Variants in SYNE1 observed in about 807,000 individuals in gnomAD.
SYNE1 encodes the protein nesprin-1.
A neutral mutation model predicts 1,111.0 loss-of-function variants in SYNE1; 616 were observed. The ratio of observed to expected loss-of-function variants is 0.55; its 90% CI spans 0.52 to 0.59. The LOEUF (loss-of-function observed/expected upper bound fraction) is 0.59, where lower values mean the gene tolerates loss of function less well. SYNE1 is among the 20% of genes least tolerant of loss of function. The probability of loss-of-function intolerance (pLI) is 0.00; values close to 1 mark genes in which losing one functional copy is unlikely to be tolerated. For synonymous variants in SYNE1, 3,855 were observed against 3,825.8 expected, an observed-to-expected ratio of 1.01 and a Z score of -0.28; for missense variants, 10,006 against 10,417.0, an observed-to-expected ratio of 0.96 and a Z score of 1.72.
At position 152,353,380 on chromosome 6, in the gene SYNE1, T is replaced by A. The variant is rs886043040; in HGVS notation, c.11136A>T (p.Ser3712=). Residue 3712 remains serine, a synonymous_variant, in exon 69 of 146, where the codon TCA becomes TCT. Coordinates refer to ENST00000367255, the MANE Select transcript of SYNE1 (RefSeq NM_182961.4). ...EEIQSLEESE[S]SLSSYSDWYG... The stretch of plus-strand genomic sequence containing the variant: ...ACCAATCAGAATAGGAACTGAGGGA[T>A]GATTCTGATTCCTCCAAACTCTGAA... 26 of 1,614,136 alleles carry A rather than the reference T, an allele frequency of 1.6e-5. No homozygotes were observed. The highest frequency in any genetic ancestry group is 2.1e-5 in the Non-Finnish European group (25 of 1,180,046).
intron 117 of SYNE1, among the ~76,000 whole-genome samples, chr6:152,222,437 C>T (rs1421503024): frequency 6.6e-6 from 1 of 152,230 alleles, no homozygotes; most frequent in Non-Finnish European, 1.5e-5. Flanking sequence ...GCTTCTACCA[C>T]AAACTCCCGA....
rs796735128 is a variant in SYNE1 at position 152,364,743 on chromosome 6, A to AAAGGG, written c.10145+99_10145+103dup. On this transcript the variant is annotated intron_variant, in intron 63 of 145. Transcript: ENST00000367255. ...AAGGAAGGAAGGGAGGAAGGAAAGG[A>AAAGGG]AAGGGAAGGGAAGGGAAGCCGGCCA... 835 of 1,381,966 alleles carry AAAGGG rather than the reference A, an allele frequency of 6.0e-4. 8 individuals are homozygous for AAAGGG. The East Asian group carries it at 0.013, about 21-fold the overall frequency. The allele number at this position is 1,381,966 out of a possible 1,614,324, so 85.6% of individuals were successfully genotyped here.
chr6:152,276,586 A>G (rs2093640004), intron 98 of SYNE1, among the ~76,000 whole-genome samples: 1 of 142,428 alleles, frequency 7.0e-6, no homozygotes, highest in African/African-American at 2.7e-5. Context: ...GTGAACTTCC[A>G]TGAAGTTTCC....
chr6:152,232,054 T>C (rs528629664), intron 113 of SYNE1, 62 bp downstream of exon 113: 22 of 1,296,336 alleles, frequency 1.7e-5, no homozygotes, highest in Non-Finnish European at 2.3e-5. Context: ...TTGAGTTTTT[T>C]AGTTCTTTCA....
chr6:152,231,295 A>C lies in SYNE1; in HGVS notation c.21039+96T>G, dbSNP rs751149077. 126 of 1,352,002 alleles carry C rather than the reference A, an allele frequency of 9.3e-5. 1 individual carries two copies. The Middle Eastern group carries it at 6.1e-3, about 66-fold the overall frequency. The allele number at this position is 1,352,002 out of a possible 1,614,324, so 83.8% of individuals were successfully genotyped here. A position where few individuals can be genotyped will look rare whatever the true frequency, so the allele number is the denominator to read the frequency against. ...TTATTGGAAGCGTTCTTTGCCCAGT[A>C]TAGCCACGCTACTTGTGAACCCAGT... On this transcript the variant is annotated intron_variant, in intron 114 of 145. Transcript: ENST00000367255.
rs1211161285 is a variant in SYNE1, at chr6:152,484,040, A to C, written c.1186-791T>G. Among the ~76,000 whole-genome samples, 8 of 121,000 alleles carry C rather than the reference A, an allele frequency of 6.6e-5. No individual in the cohort carries two copies. In the East Asian group the frequency reaches 8.5e-4, roughly 13 times the overall value. The allele number at this position is 121,000 out of a possible 152,430, so 79.4% of individuals were successfully genotyped here. On this transcript the variant is annotated intron_variant, in intron 13 of 145. Coordinates refer to ENST00000367255, the MANE Select transcript of SYNE1 (RefSeq NM_182961.4). ...AATATAGTGAGATCTCATCTCTACA[A>C]AAAAAAAAAAAAAAAAAAAAAATTA...
At position 152,253,776 on chromosome 6, in the gene SYNE1, C is replaced by A. The variant is rs979929270; in HGVS notation, c.19470+1104G>T. Reference sequence around the variant, plus strand: ...TGGTAATTTGTGCCTCGTGAAAATTCCATGTTTCTTGGCTAATGCTACATT... The same window carrying A: ...TGGTAATTTGTGCCTCGTGAAAATTACATGTTTCTTGGCTAATGCTACATT... On this transcript the variant is annotated intron_variant, in intron 104 of 145. Transcript: ENST00000367255. 5.8e-5 allele frequency among the ~76,000 whole-genome samples: 7 copies of A among 120,820 alleles called. 1 individual carries two copies. The Admixed American group carries it at 7.4e-4, about 13-fold the overall frequency. 79.3% of individuals were successfully genotyped at this position (120,820 alleles called of 152,430 possible). A position where few individuals can be genotyped will look rare whatever the true frequency, so the allele number is the denominator to read the frequency against.
At chr6:152,224,394 C>T (rs1486081524) in intron 117 of SYNE1, 100 bp downstream of exon 117, 1 of 1,043,096 alleles carries the variant, frequency 9.6e-7, no homozygotes, top group African/African-American at 1.6e-5. Flanking sequence ...TAAACGTAAA[C>T]AACATATGGC....
chr6:152,537,718 AG>A, intron 4 of SYNE1, among the ~76,000 whole-genome samples: 1 of 152,210 alleles, frequency 6.6e-6, no homozygotes, highest in East Asian at 1.9e-4. Flanking sequence ...ATCTGCAAAC[AG>A]GAACAATTTG....
intron 12 of SYNE1, among the ~76,000 whole-genome samples, chr6:152,486,703 G>A (rs2098942589): frequency 6.6e-6 from 1 of 152,118 alleles, no homozygotes; most frequent in Admixed American, 6.5e-5. Context: ...GAATTTCAAA[G>A]CAAAAGAGTA....
intron 101 of SYNE1, among the ~76,000 whole-genome samples, chr6:152,257,224 A>T (rs2091050710): frequency 6.6e-6 from 1 of 152,156 alleles, no homozygotes; most frequent in Non-Finnish European, 1.5e-5. Context: ...AATATGTACA[A>T]ATATTATATA....
chr6:152,427,552 C>A, intron 38 of SYNE1, 141 bp downstream of exon 38: 1 of 1,017,390 alleles, frequency 9.8e-7, no homozygotes, highest in Non-Finnish European at 1.5e-6. Context: ...TTTGGAACAC[C>A]CTGATGTCAA....
chr6:152,567,139 G>T (rs567151945), intron 3 of SYNE1, among the ~76,000 whole-genome samples: 70 of 151,842 alleles, frequency 4.6e-4, no homozygotes, highest in African/African-American at 1.5e-3. Flanking sequence ...CCTTTTTTTA[G>T]ATTTACTGTT....
intron 119 of SYNE1, among the ~76,000 whole-genome samples, chr6:152,219,653 G>A (rs142711429): frequency 5.3e-4 from 81 of 152,144 alleles, no homozygotes; most frequent in African/African-American, 1.3e-3. Flanking sequence ...GAATTTGTCC[G>A]TGGTGTCTTC....
At chr6:152,612,677 C>T (rs530829972) in intron 3 of SYNE1, among the ~76,000 whole-genome samples, 1 of 152,266 alleles carries the variant, frequency 6.6e-6, no homozygotes, top group South Asian at 2.1e-4. Flanking sequence ...GATACCAAAG[C>T]CTGGCAGAGA....
In SYNE1 at chr6:152,409,121, C is replaced by T. The variant is rs1245737156; in HGVS notation, c.6487G>A (p.Asp2163Asn). The T allele has an allele frequency of 1.9e-6, 3 of 1,614,170 alleles. No individual in the cohort carries two copies. The South Asian group carries it at 3.3e-5, about 18-fold the overall frequency. Reference protein sequence around the residue: ...LSELKKIHSSDFSLVKTDMES... With the variant: ...LSELKKIHSSNFSLVKTDMES... ...ATGTCTGTTTTCACCAAGCTGAAATCACTACTGTGAATTTTCTTCAGCTCA... is the reference window on the plus strand; with the variant it reads ...ATGTCTGTTTTCACCAAGCTGAAATTACTACTGTGAATTTTCTTCAGCTCA... The change falls in exon 44 of 146, where the codon GAT (aspartate) becomes AAT (asparagine). Residue 2163 changes from aspartate to asparagine, a missense_variant. Physicochemically the swap from Asp to Asn is conservative, Grantham distance 23. This residue lies in a region of SYNE1 where 4,955 missense variants were observed against 5,017.2 expected (regional missense o/e 0.99). Coordinates refer to ENST00000367255, the MANE Select transcript of SYNE1 (RefSeq NM_182961.4).
chr6:152,125,414 A>G, intron 145 of SYNE1: 1 of 1,501,360 alleles, frequency 6.7e-7, no homozygotes, highest in South Asian at 1.3e-5. Flanking sequence ...ACGTGGGGAC[A>G]TTTTGTTTTG....
chr6:152,346,146 T>C (rs1046818090), intron 73 of SYNE1, among the ~76,000 whole-genome samples: 35 of 152,216 alleles, frequency 2.3e-4, no homozygotes, highest in African/African-American at 8.2e-4. Context: ...AAATTCCTTT[T>C]ACCAACAAAC....
chr6:152,133,200 T>C, intron 143 of SYNE1, 76 bp downstream of exon 143: 1 of 1,359,296 alleles, frequency 7.4e-7, no homozygotes, highest in Non-Finnish European at 1.1e-6. Context: ...TTAAAGTCTT[T>C]CTAAAATGCA....
Sources: allele counts gnomAD v4.1 joint callset (sites outside exome capture counted in the v4.1 genomes callset), GRCh38; gene constraint gnomAD v4.1.1; regional missense constraint gnomAD v4.1.1; transcripts MANE v1.5; gene names NCBI Gene and HGNC (gene_info 2026-07-23, HGNC 2026-07-21).